The following SNX25 variants were observed in gnomAD, a reference collection of about 807,000 sequenced individuals.
SNX25 encodes the protein sorting nexin-25.
Under a neutral mutation model 113.7 loss-of-function variants are expected in SNX25, and 62 were observed. The ratio of observed to expected loss-of-function variants is 0.55; its 90% CI spans 0.44 to 0.67. SNX25 has a LOEUF of 0.67. Among genes scored for constraint, SNX25 ranks in the 30% least tolerant of loss-of-function variants. The pLI is 0.00. For synonymous variants in SNX25, 421 were observed against 436.2 expected (o/e 0.97, Z 0.43); for missense variants, 1,014 against 1,161.0 (o/e 0.87, Z 1.84).
chr4:185,253,012 A>T (rs111833096), intron 2 of SNX25, among the ~76,000 whole-genome samples: 2 of 152,216 alleles, frequency 1.3e-5, no homozygotes, highest in African/African-American at 2.4e-5. Context: ...TCTGTACCAG[A>T]TAGCTTCAGA....
chr4:185,290,930 C>A (rs1382600850), intron 6 of SNX25, among the ~76,000 whole-genome samples: 2 of 152,138 alleles, frequency 1.3e-5, no homozygotes, highest in Non-Finnish European at 2.9e-5. Flanking sequence ...GGGGCAGTTA[C>A]GAACGTGGTC....
chr4:185,212,371 A>G (rs1392858976), intron 1 of SNX25, among the ~76,000 whole-genome samples: 1 of 151,994 alleles, frequency 6.6e-6, no homozygotes, highest in Non-Finnish European at 1.5e-5. Context: ...TTAGAACTGA[A>G]ATACATGTCA....
chr4:185,376,443 CTTTTTTTTT>C, the SNX25 span, among the ~76,000 whole-genome samples: 16 of 105,794 alleles, frequency 1.5e-4, no homozygotes, highest in African/African-American at 6.2e-4. Context: ...TGCCCAGCTA[CTTTTTTTTT>C]TTTTTTTTTT....
At position 185,339,129 on chromosome 4, in the gene SNX25, A is replaced by C. The variant is rs151195485; in HGVS notation, c.1915-250A>C. ...GTCTTTCCAGATATTTGTCTTCTTT[A>C]GTCTCTTTCATCAGTGTTTTGTAGT... On this transcript the variant is annotated intron_variant, in intron 10 of 18. Coordinates refer to ENST00000652585, the MANE Select transcript of SNX25 (RefSeq NM_001378034.2). 1.6e-3 allele frequency among the ~76,000 whole-genome samples: 251 copies of C among 152,218 alleles called. 1 individual carries two copies. The highest frequency in any genetic ancestry group is 5.8e-3 in the African/African-American group (242 of 41,540).
chr4:185,267,276 T>C, intron 5 of SNX25, 121 bp downstream of exon 5: 1 of 938,740 alleles, frequency 1.1e-6, no homozygotes, highest in South Asian at 1.6e-5. Context: ...CTATAAATCT[T>C]ACTATTTAGT....
the SNX25 span, chr4:185,378,153 G>A: frequency 7.4e-6 from 12 of 1,613,808 alleles, no homozygotes; most frequent in East Asian, 6.7e-5. Context: ...GCATAAAAGG[G>A]GTTCTTGGGC....
intron 6 of SNX25, among the ~76,000 whole-genome samples, chr4:185,292,007 A>T (rs778721277): frequency 3.3e-5 from 5 of 152,172 alleles, no homozygotes; most frequent in Non-Finnish European, 5.9e-5. Context: ...ATCTCTTTTC[A>T]GCAAGCTTTC....
At chr4:185,258,806 T>G (rs528963536) in intron 2 of SNX25, 42 bp from the exon 3 acceptor site, 94 of 1,524,624 alleles carry the variant, frequency 6.2e-5, no homozygotes, top group Non-Finnish European at 8.2e-5. Flanking sequence ...GGTGTTTGCT[T>G]CTTTCATTTG....
rs185453932 is a variant in SNX25, at chr4:185,282,222, C to T, written c.1092-5790C>T. Among the ~76,000 whole-genome samples, 669 of 152,240 alleles carry T rather than the reference C, an allele frequency of 4.4e-3. 4 individuals are homozygous for T. The highest frequency in any genetic ancestry group is 0.015 in the African/African-American group (610 of 41,550). ...GTCCGGACAGGCTGGAGTGCAACGG[C>T]GGAATCTCAGCTCACTGCAACCTCC... is the stretch of plus-strand genomic sequence containing the variant. On this transcript the variant is annotated intron_variant, in intron 5 of 18. Transcript: ENST00000652585.
chr4:185,297,899 A>G (rs1753060273), intron 6 of SNX25, among the ~76,000 whole-genome samples: 1 of 152,162 alleles, frequency 6.6e-6, no homozygotes, highest in South Asian at 2.1e-4. Flanking sequence ...TTAGAGGGAC[A>G]CATTCAGTCC....
downstream of SNX25, among the ~76,000 whole-genome samples, chr4:185,374,623 C>T (rs143788163): frequency 8.7e-4 from 133 of 152,202 alleles, no homozygotes; most frequent in African/African-American, 3.0e-3. Flanking sequence ...GCAGGGCAAG[C>T]GATAAGGAGG....
At chr4:185,376,352 A>G in the SNX25 span, among the ~76,000 whole-genome samples, 1 of 151,830 alleles carries the variant, frequency 6.6e-6, no homozygotes, top group African/African-American at 2.4e-5. Context: ...ATCTCAGCTC[A>G]CTGCAACCTC....
At chr4:185,238,338 G>C (rs1234674479) in intron 1 of SNX25, among the ~76,000 whole-genome samples, 2 of 152,204 alleles carry the variant, frequency 1.3e-5, no homozygotes, top group African/African-American at 4.8e-5. Context: ...TGGCTTCCAG[G>C]TGGGGAGTGA....
intron 7 of SNX25, among the ~76,000 whole-genome samples, chr4:185,320,311 A>G (rs911426613): frequency 1.3e-5 from 2 of 152,212 alleles, no homozygotes; most frequent in Non-Finnish European, 2.9e-5. Flanking sequence ...AAGGAATGAG[A>G]TCATGTCCTT....
chr4:185,317,088 A>G (rs2095080324), intron 7 of SNX25, among the ~76,000 whole-genome samples: 1 of 152,216 alleles, frequency 6.6e-6, no homozygotes, highest in Non-Finnish European at 1.5e-5. Context: ...ACAAAGGTCT[A>G]ATATCCAGAA....
At chr4:185,293,848 G>A (rs1311382580) in intron 6 of SNX25, among the ~76,000 whole-genome samples, 1 of 152,160 alleles carries the variant, frequency 6.6e-6, no homozygotes, top group African/African-American at 2.4e-5. Context: ...AACAGAGTTA[G>A]AGAAACAATG....
chr4:185,327,082 G>T (rs1279917861), intron 9 of SNX25, among the ~76,000 whole-genome samples: 21 of 152,016 alleles, frequency 1.4e-4, no homozygotes. Context: ...ACATTCTTAT[G>T]CCTCCTTATA....
intron 1 of SNX25, among the ~76,000 whole-genome samples, chr4:185,217,351 G>A (rs1166576599): frequency 6.6e-6 from 1 of 152,160 alleles, no homozygotes. Context: ...ATTCAAAAGT[G>A]AGTGAGACTT....
At chr4:185,221,226 T>C (rs1739792347) in intron 1 of SNX25, among the ~76,000 whole-genome samples, 2 of 152,036 alleles carry the variant, frequency 1.3e-5, no homozygotes, top group Non-Finnish European at 2.9e-5. Context: ...AGAGACAGGG[T>C]TTCACCATGT....
Sources: allele counts gnomAD v4.1 joint callset (sites outside exome capture counted in the v4.1 genomes callset), GRCh38; gene constraint gnomAD v4.1.1; transcripts MANE v1.5; gene names NCBI Gene and HGNC (gene_info 2026-07-23, HGNC 2026-07-21).